EPHX1: variants seen among roughly 807,000 people sequenced by gnomAD.
EPHX1 encodes epoxide hydratase.
In EPHX1, 40 loss-of-function variants were observed where a neutral mutation model predicts 43.2. That is an observed-to-expected ratio of 0.93 (90% CI 0.72 to 1.21). The LOEUF is 1.21. EPHX1 is among the 50% of genes most tolerant of loss of function. The pLI is 0.00. For missense variants in EPHX1, 550 were observed against 570.4 expected, an observed-to-expected ratio of 0.96 and a Z score of 0.36; for synonymous variants, 221 against 226.7, an observed-to-expected ratio of 0.98 and a Z score of 0.22.
chr1:225,845,121 C>T, intron 8 of EPHX1, 25 bp from the exon 9 acceptor site: 2 of 1,613,488 alleles, frequency 1.2e-6, no homozygotes, highest in South Asian at 1.1e-5. Flanking sequence ...CAGCCTCACC[C>T]CTCCGTCGGC....
chr1:225,825,016 T>C (rs3753659), intron 1 of EPHX1, among the ~76,000 whole-genome samples: 15,972 of 152,292 alleles, frequency 0.1, 1,082 homozygotes, highest in East Asian at 0.2. Flanking sequence ...AGTACTAATA[T>C]TCTTGTTATC....
chr1:225,841,520 G>C (rs937130804), intron 6 of EPHX1, among the ~76,000 whole-genome samples: 1 of 151,508 alleles, frequency 6.6e-6, no homozygotes, highest in South Asian at 2.1e-4. Context: ...CTGACCTCAG[G>C]TGATCCACCC....
chr1:225,831,998 C>T, intron 3 of EPHX1, 39 bp downstream of exon 3: 1 of 1,596,574 alleles, frequency 6.3e-7, no homozygotes, highest in Non-Finnish European at 8.6e-7. Flanking sequence ...GGATGTATGT[C>T]ATGAGAACAG....
intron 6 of EPHX1, chr1:225,841,164 G>A (rs1374178850): frequency 6.6e-6 from 1 of 152,200 alleles, no homozygotes; most frequent in Non-Finnish European, 1.5e-5. Flanking sequence ...GACTGAGATG[G>A]TTTTGATTGT....
At chr1:225,843,594 C>T (rs1396191309) in intron 7 of EPHX1, among the ~76,000 whole-genome samples, 1 of 152,192 alleles carries the variant, frequency 6.6e-6, no homozygotes, top group Non-Finnish European at 1.5e-5. Context: ...AGATGTGAGG[C>T]CCCACCAGAC....
chr1:225,820,400 T>C (rs10753410), intron 1 of EPHX1, among the ~76,000 whole-genome samples: 21,577 of 152,194 alleles, frequency 0.14, 1,668 homozygotes, highest in East Asian at 0.27. Flanking sequence ...AAGTATATTT[T>C]CTTAGCTCAC....
At chr1:225,843,000 C>G (rs960735202) in intron 7 of EPHX1, among the ~76,000 whole-genome samples, 3 of 152,208 alleles carry the variant, frequency 2.0e-5, no homozygotes, top group African/African-American at 7.2e-5. Flanking sequence ...GGGCCCATCC[C>G]TTTATTCCTT....
At position 225,844,594 on chromosome 1, in the gene EPHX1, A is replaced by C; in HGVS notation, c.1137A>C (p.Gly379=). 6.2e-7 allele frequency: 1 copy of C among 1,614,132 alleles called. No homozygotes were observed. Among genetic ancestry groups the C allele is most frequent in the Non-Finnish European group, 8.5e-7 (1 of 1,180,006 alleles). The change falls in exon 8 of 9, where the codon GGA becomes GGC. Residue 379 remains glycine, a synonymous_variant. Coordinates refer to ENST00000272167, the MANE Select transcript of EPHX1 (RefSeq NM_001136018.4). ...AGCGCTTCTACAAGGAGAACCTGGG[A>C]CAGGGCTGGATGACCCAGAAGCATG... ...SSQRFYKENL[G]QGWMTQKHER...
chr1:225,834,397 C>G (rs1218290038), intron 3 of EPHX1, among the ~76,000 whole-genome samples: 1 of 151,778 alleles, frequency 6.6e-6, no homozygotes, highest in Non-Finnish European at 1.5e-5. Flanking sequence ...GAGCAAGACT[C>G]CATCTCAAAA....
At chr1:225,839,595 A>G (rs1372758450) in intron 5 of EPHX1, among the ~76,000 whole-genome samples, 2 of 151,828 alleles carry the variant, frequency 1.3e-5, no homozygotes, top group African/African-American at 4.8e-5. Context: ...CAGGCATTAG[A>G]CCTCTCTGCT....
Position 225,842,401 on chromosome 1 carries a change from G to T in EPHX1, c.967G>T (p.Ala323Ser). 6.2e-7 allele frequency: 1 copy of T among 1,614,102 alleles called. No individual in the cohort carries two copies. Among genetic ancestry groups the T allele is most frequent in the Non-Finnish European group, 8.5e-7 (1 of 1,179,930 alleles). The change falls in exon 7 of 9, where the codon GCC (alanine) becomes TCC (serine). Residue 323 changes from alanine (A) to serine (S), a missense_variant. By Grantham distance (99) the Ala-to-Ser change is moderately conservative. Transcript: ENST00000272167. ...GAATGACTCTCCTGTGGGTCTGGCTGCCTATATTCTAGAGAAGTTTTCCAC... is the reference window on the plus strand; with the variant it reads ...GAATGACTCTCCTGTGGGTCTGGCTTCCTATATTCTAGAGAAGTTTTCCAC... ...ALNDSPVGLAAYILEKFSTWT... is the reference protein window; with the variant it reads ...ALNDSPVGLASYILEKFSTWT...
At chr1:225,833,189 A>G (rs1667714549) in intron 3 of EPHX1, among the ~76,000 whole-genome samples, 1 of 152,200 alleles carries the variant, frequency 6.6e-6, no homozygotes, top group South Asian at 2.1e-4. Context: ...GAAATTGTAC[A>G]TGTTAGGAAT....
chr1:225,845,350 C>T lies in EPHX1; in HGVS notation c.*3C>T, dbSNP rs1226829028. 2.5e-6 allele frequency: 4 copies of T among 1,600,926 alleles called. No individual in the cohort carries two copies. Among genetic ancestry groups the T allele is most frequent in the Non-Finnish European group, 3.4e-6 (4 of 1,176,364 alleles). ...TGTCGGTGCTGGAGCGGCAATGACC[C>T]ACCCCTCTCCCCCCGCCTGCCACCT... On this transcript the variant is annotated 3_prime_UTR_variant, in exon 9 of 9. Coordinates refer to ENST00000272167, the MANE Select transcript of EPHX1 (RefSeq NM_001136018.4).
intron 1 of EPHX1, among the ~76,000 whole-genome samples, chr1:225,822,323 C>G (rs535556723): frequency 1.3e-5 from 2 of 152,112 alleles, no homozygotes; most frequent in Admixed American, 1.3e-4. Context: ...ACCTTGGCTT[C>G]GAGAAAAAAA....
At chr1:225,841,179 GT>G (rs1331332168) in intron 6 of EPHX1, 2 of 152,216 alleles carry the variant, frequency 1.3e-5, no homozygotes, top group African/African-American at 4.8e-5. Context: ...GATTGTGCCT[GT>G]TTAAGTCCTA....
In EPHX1 at chr1:225,828,866, A is replaced by G. The variant is rs779348131; in HGVS notation, c.137A>G (p.Asp46Gly). 6.9e-6 allele frequency: 11 copies of G among 1,605,304 alleles called. No homozygotes were observed. The highest frequency in any genetic ancestry group is 1.7e-4 in the Middle Eastern group (1 of 5,998). The change falls in exon 2 of 9, where the codon GAC (aspartate) becomes GGC (glycine). Residue 46 changes from aspartate (D) to glycine (G), a missense_variant. Asp to Gly is a moderately conservative substitution (Grantham distance 94, BLOSUM62 -1). Coordinates refer to ENST00000272167, the MANE Select transcript of EPHX1 (RefSeq NM_001136018.4). ...PGTRSAARED[D>G]SIRPFKVETS... is the part of the protein sequence containing the mutation. ...ACGAGGTCCGCAGCCAGGGAGGACG[A>G]CAGCATCCGCCCTTTCAAGGTGGAA...
At chr1:225,840,829 A>T (rs1338954163) in intron 6 of EPHX1, 1 of 152,286 alleles carries the variant, frequency 6.6e-6, no homozygotes, top group Non-Finnish European at 1.5e-5. Flanking sequence ...GCCCATCTCA[A>T]AGTTCTTCAT....
At chr1:225,839,084 T>A (rs1371698619) in intron 4 of EPHX1, 133 bp from the exon 5 acceptor site, 1 of 1,480,776 alleles carries the variant, frequency 6.8e-7, no homozygotes, top group East Asian at 2.3e-5. Context: ...CAGGATTCCT[T>A]CTTGCCTCTG....
intron 1 of EPHX1, among the ~76,000 whole-genome samples, chr1:225,824,749 G>A (rs571924395): frequency 6.6e-6 from 1 of 152,336 alleles, no homozygotes; most frequent in South Asian, 2.1e-4. Context: ...GCTTGGGCTG[G>A]TGGAAGTGAA....
Sources: gnomAD v4.1 joint callset for allele counts (sites outside exome capture counted in the v4.1 genomes callset) on GRCh38, gnomAD v4.1.1 for gene constraint, MANE v1.5 for transcripts, NCBI Gene and HGNC (gene_info 2026-07-23, HGNC 2026-07-21) for gene names.